PPFIA2: variants seen among roughly 807,000 people sequenced by gnomAD.
PPFIA2 encodes the protein PPFI scaffold protein A2.
In PPFIA2, 46 loss-of-function variants were observed where a neutral mutation model predicts 175.5. The ratio of observed to expected loss-of-function variants is 0.26; its 90% CI spans 0.21 to 0.34. The LOEUF (loss-of-function observed/expected upper bound fraction) is 0.34. PPFIA2 is among the 10% of genes least tolerant of loss of function. PPFIA2 has a pLI of 1.00. For synonymous variants in PPFIA2, 568 were observed against 511.4 expected (o/e 1.11, Z -1.49); for missense variants, 1,179 against 1,506.1 (o/e 0.78, Z 3.60).
In PPFIA2 at chr12:81,347,674, C is replaced by G; in HGVS notation, c.2091G>C (p.Arg697Ser). Residue 697 changes from arginine to serine, a missense_variant, in exon 18 of 33, where the codon AGG becomes AGC. Arg to Ser is a moderately radical substitution (Grantham distance 110). Transcript: ENST00000549396. ...CAGTAATGGAGGTACCTGGGTGGAC[C>G]CTTGCCAAATTCAGGCCTTCGAGGC... ...SVSLEGLNLARVHPGTSITAS... is the reference protein window; with the variant it reads ...SVSLEGLNLASVHPGTSITAS... The G allele has an allele frequency of 6.2e-7, 1 of 1,613,794 alleles. No individual in the cohort carries two copies. Among genetic ancestry groups the G allele is most frequent in the African/African-American group, 1.3e-5 (1 of 75,002 alleles).
At chr12:81,578,371 A>G (rs913099723) in intron 4 of PPFIA2, among the ~76,000 whole-genome samples, 1 of 151,742 alleles carries the variant, frequency 6.6e-6, no homozygotes, top group Admixed American at 6.6e-5. Flanking sequence ...TATTATCATC[A>G]TCATCACCAT....
At chr12:81,457,913 G>T in intron 4 of PPFIA2, 47 bp from the exon 5 acceptor site, 3 of 1,306,170 alleles carry the variant, frequency 2.3e-6, no homozygotes, top group Non-Finnish European at 3.2e-6. Context: ...AGATCTAAAA[G>T]CAGAAAAAAA....
intron 21 of PPFIA2, among the ~76,000 whole-genome samples, chr12:81,326,286 T>G (rs947509485): frequency 6.6e-6 from 1 of 152,148 alleles, no homozygotes; most frequent in African/African-American, 2.4e-5. Context: ...ATGGGATAAA[T>G]GATAGCCAAT....
At chr12:81,598,203 G>T in intron 4 of PPFIA2, 1 of 1,352,574 alleles carries the variant, frequency 7.4e-7, no homozygotes, top group Non-Finnish European at 9.5e-7. Context: ...TTCTACATTT[G>T]AAATCTTAGC....
intron 4 of PPFIA2, among the ~76,000 whole-genome samples, chr12:81,552,723 A>C (rs765755898): frequency 1.3e-5 from 2 of 152,126 alleles, no homozygotes; most frequent in Non-Finnish European, 2.9e-5. Context: ...CTCTAAATTC[A>C]ATTTTTGACT....
chr12:81,713,276 T>C (rs1216322078), intron 3 of PPFIA2, among the ~76,000 whole-genome samples: 2 of 150,966 alleles, frequency 1.3e-5, no homozygotes, highest in Non-Finnish European at 2.9e-5. Context: ...CTTTGACATA[T>C]GAGAAAATTG....
At chr12:81,609,255 G>A (rs1300604622) in intron 4 of PPFIA2, among the ~76,000 whole-genome samples, 2 of 152,038 alleles carry the variant, frequency 1.3e-5, no homozygotes, top group Non-Finnish European at 2.9e-5. Context: ...ATATTCTGTG[G>A]TTGTTGGGTG....
chr12:81,433,163 C>T (rs1046911513), intron 7 of PPFIA2, among the ~76,000 whole-genome samples: 2 of 152,112 alleles, frequency 1.3e-5, no homozygotes, highest in Admixed American at 6.5e-5. Context: ...TATCTTTTCA[C>T]ACCCTGACTT....
intron 22 of PPFIA2, among the ~76,000 whole-genome samples, chr12:81,315,656 G>A (rs902544460): frequency 6.6e-6 from 1 of 151,864 alleles, no homozygotes; most frequent in East Asian, 1.9e-4. Flanking sequence ...CTGACTTGGG[G>A]TAATGAACAA....
chr12:81,719,744 A>G (rs1376975298), intron 3 of PPFIA2, among the ~76,000 whole-genome samples: 2 of 151,508 alleles, frequency 1.3e-5, no homozygotes, highest in Non-Finnish European at 3.0e-5. Context: ...TAATATATAC[A>G]TATTCTAATA....
chr12:81,345,631 G>C (rs1229426208), intron 18 of PPFIA2, among the ~76,000 whole-genome samples: 4 of 152,082 alleles, frequency 2.6e-5, no homozygotes, highest in Admixed American at 6.6e-5. Context: ...AAAAATGTCA[G>C]AAATAAAAGC....
intron 4 of PPFIA2, among the ~76,000 whole-genome samples, chr12:81,670,359 C>T (rs993573470): frequency 6.6e-6 from 1 of 151,798 alleles, no homozygotes; most frequent in Non-Finnish European, 1.5e-5. Context: ...ATGATTCATC[C>T]AACACTGTGG....
chr12:81,358,346 A>G, intron 15 of PPFIA2, 129 bp from the exon 16 acceptor site: 1 of 904,406 alleles, frequency 1.1e-6, no homozygotes, highest in Non-Finnish European at 1.7e-6. Flanking sequence ...AAGATAACCG[A>G]TAAATTGTCA....
chr12:81,554,087 A>C (rs1276139975), intron 4 of PPFIA2, among the ~76,000 whole-genome samples: 1 of 152,048 alleles, frequency 6.6e-6, no homozygotes. Context: ...AAATTAAAAG[A>C]GGTGAGCACT....
chr12:81,352,669 G>C (rs1323508443), intron 17 of PPFIA2, among the ~76,000 whole-genome samples: 3 of 152,024 alleles, frequency 2.0e-5, no homozygotes, highest in Non-Finnish European at 4.4e-5. Flanking sequence ...CTCCAATGTT[G>C]AAATATTTTA....
At chr12:81,542,977 T>A (rs2066439239) in intron 4 of PPFIA2, among the ~76,000 whole-genome samples, 1 of 152,088 alleles carries the variant, frequency 6.6e-6, no homozygotes, top group South Asian at 2.1e-4. Flanking sequence ...GATTCCCCTA[T>A]CCCAGCTCTT....
At chr12:81,480,858 C>T (rs1437323529) in intron 4 of PPFIA2, among the ~76,000 whole-genome samples, 1 of 152,134 alleles carries the variant, frequency 6.6e-6, no homozygotes, top group Non-Finnish European at 1.5e-5. Context: ...CTTACCACTC[C>T]TATTCAACAT....
chr12:81,443,818 T>G (rs569066296), intron 6 of PPFIA2, among the ~76,000 whole-genome samples: 1 of 150,676 alleles, frequency 6.6e-6, no homozygotes, highest in African/African-American at 2.4e-5. Flanking sequence ...AATCATTCTT[T>G]AATACCTAGA....
At chr12:81,421,493 A>T (rs1310697771) in intron 7 of PPFIA2, among the ~76,000 whole-genome samples, 1 of 152,028 alleles carries the variant, frequency 6.6e-6, no homozygotes, top group Non-Finnish European at 1.5e-5. Context: ...AAGATATTTT[A>T]TGAAAGCTTT....
Sources: allele counts gnomAD v4.1 joint callset (sites outside exome capture counted in the v4.1 genomes callset), GRCh38; gene constraint gnomAD v4.1.1; transcripts MANE v1.5; gene names NCBI Gene and HGNC (gene_info 2026-07-23, HGNC 2026-07-21).